Variants in CRB2 observed in about 807,000 individuals in gnomAD.
The protein encoded by CRB2 is protein crumbs homolog 2.
A neutral mutation model predicts 110.9 loss-of-function variants in CRB2; 85 were observed. That is an observed-to-expected ratio of 0.77 (90% CI 0.64 to 0.92). The LOEUF is 0.92. Ranked by LOEUF, CRB2 falls within the 40% of genes least tolerant of loss-of-function variation. The pLI is 0.00. For missense variants in CRB2, 1,843 were observed against 1,851.3 expected (o/e 1.00, Z 0.08); for synonymous variants, 907 against 831.0 (o/e 1.09, Z -1.57).
At chr9:123,371,829 C>T (rs1387121281) in intron 8 of CRB2, among the ~76,000 whole-genome samples, 3 of 149,706 alleles carry the variant, frequency 2.0e-5, no homozygotes, top group African/African-American at 4.8e-5. Context: ...AGAGAGACAC[C>T]CTGACCGAGA....
chr9:123,374,070 A>C, intron 10 of CRB2, 150 bp downstream of exon 10: 1 of 1,046,886 alleles, frequency 9.6e-7, no homozygotes, highest in Non-Finnish European at 1.4e-6. Context: ...TAATTTGATA[A>C]ATTTCCTGAT....
chr9:123,370,997 G>A lies in CRB2; in HGVS notation c.1927+17G>A. On this transcript the variant is annotated intron_variant, in intron 7 of 12. Coordinates refer to ENST00000373631, the MANE Select transcript of CRB2 (RefSeq NM_173689.7). The stretch of plus-strand genomic sequence containing the variant: ...GCGCTGATGGTGAGGAATAAGCCAG[G>A]TGGGAAGGCAGCACCTGAGATCTGC... The A allele has an allele frequency of 6.3e-7, 1 of 1,597,682 alleles. No individual in the cohort carries two copies. The highest frequency in any genetic ancestry group is 8.5e-7 in the Non-Finnish European group (1 of 1,170,454).
At chr9:123,376,452 C>T (rs944252243) in intron 12 of CRB2, among the ~76,000 whole-genome samples, 1 of 152,164 alleles carries the variant, frequency 6.6e-6, no homozygotes, top group Non-Finnish European at 1.5e-5. Flanking sequence ...CGCAGGTGGG[C>T]CCCAGTGGAT....
In CRB2 at chr9:123,366,015, G is replaced by T. The variant is rs780819241; in HGVS notation, c.517G>T (p.Ala173Ser). The change falls in exon 3 of 13, where the codon GCG (alanine) becomes TCG (serine). Residue 173 changes from alanine to serine, a missense_variant. Ala to Ser is a moderately conservative substitution (Grantham distance 99). Coordinates refer to ENST00000373631, the MANE Select transcript of CRB2 (RefSeq NM_173689.7). The part of the protein sequence containing the change: ...DGVGSFRCVC[A>S]PGYGGTRCQL... ...CGTGGGCTCCTTCCGCTGTGTGTGC[G>T]CGCCAGGCTACGGGGGCACCCGTTG... 1 of 1,593,850 alleles carries T rather than the reference G, an allele frequency of 6.3e-7. No homozygotes were observed. The highest frequency in any genetic ancestry group is 8.5e-7 in the Non-Finnish European group (1 of 1,177,350).
upstream of CRB2, among the ~76,000 whole-genome samples, chr9:123,355,685 G>A (rs1309286766): frequency 6.7e-6 from 1 of 148,358 alleles, no homozygotes; most frequent in Non-Finnish European, 1.5e-5. Flanking sequence ...GCTGCCCGAT[G>A]GGAGGTGCCT....
upstream of CRB2, among the ~76,000 whole-genome samples, chr9:123,356,000 A>G (rs2041792424): frequency 6.6e-6 from 1 of 151,956 alleles, no homozygotes; most frequent in Non-Finnish European, 1.5e-5. Flanking sequence ...GTCAGGAGGG[A>G]GAAACCAGTG....
chr9:123,366,206 C>A, intron 3 of CRB2, 21 bp from the exon 4 acceptor site: 1 of 1,406,662 alleles, frequency 7.1e-7, no homozygotes, highest in East Asian at 3.1e-5. Context: ...GCGCTCAGCT[C>A]CGCCGGTGCG....
chr9:123,355,481 A>G (rs1232493021), upstream of CRB2, among the ~76,000 whole-genome samples: 1 of 150,576 alleles, frequency 6.6e-6, no homozygotes, highest in Admixed American at 6.6e-5. Context: ...GGAGAGGGTA[A>G]AGGGAGGCAG....
upstream of CRB2, among the ~76,000 whole-genome samples, chr9:123,354,789 C>A (rs2041781081): frequency 6.6e-6 from 1 of 152,164 alleles, no homozygotes; most frequent in African/African-American, 2.4e-5. Context: ...AGGAGTCTAC[C>A]CAGGCCTTTT....
At position 123,367,221 on chromosome 9, in the gene CRB2, C is replaced by A; in HGVS notation, c.804C>A (p.Ser268Arg). ...CEVDEDECAS[S>R]PCQHGGRCLQ... Reference sequence around the variant, plus strand: ...TGGACGAGGACGAGTGTGCATCGAGCCCCTGCCAGCATGGGGGCCGATGCC... The same window carrying A: ...TGGACGAGGACGAGTGTGCATCGAGACCCTGCCAGCATGGGGGCCGATGCC... Residue 268 changes from serine (S) to arginine (R), a missense_variant, in exon 5 of 13, where the codon AGC (serine) becomes AGA (arginine). Transcript: ENST00000373631. 1 of 1,599,154 alleles carries A rather than the reference C, an allele frequency of 6.3e-7. No individual in the cohort carries two copies. The highest frequency in any genetic ancestry group is 1.1e-5 in the South Asian group (1 of 90,256).
Position 123,359,448 on chromosome 9 carries a change from T to G in CRB2, c.94+3094T>G, listed in dbSNP as rs111705378. Among the ~76,000 whole-genome samples, 481 of 67,458 alleles carry G rather than the reference T, an allele frequency of 7.1e-3. 10 individuals carry two copies. The highest frequency in any genetic ancestry group is 0.016 in the East Asian group (35 of 2,166). The allele number at this position is 67,458 out of a possible 152,430, so 44.3% of individuals were successfully genotyped here. ...GTTTTTCGTTTTTGTTTTGTTTTTT[T>G]TTTTTTTTTTTTTTTTTTAAGAAAG... On this transcript the variant is annotated intron_variant, in intron 1 of 12. Transcript: ENST00000373631.
Position 123,371,372 on chromosome 9 carries a change from C to T in CRB2, c.2230C>T (p.His744Tyr). The change falls in exon 8 of 13, where the codon CAC (histidine) becomes TAC (tyrosine). Residue 744 changes from histidine (H) to tyrosine (Y), a missense_variant. Transcript: ENST00000373631. The stretch of plus-strand genomic sequence containing the variant: ...TGACCAGCTGCAGGACCTGGGGCAG[C>T]ACGTGCACGTGGGTGGGAGGCTCCT... ...GPDQLQDLGQ[H>Y]VHVGGRLLAA... 3 of 1,604,620 alleles carry T rather than the reference C, an allele frequency of 1.9e-6. No individual in the cohort carries two copies. The highest frequency in any genetic ancestry group is 2.2e-5 in the East Asian group (1 of 44,800).
At chr9:123,379,288 A>AGAG (rs1396142053), downstream of CRB2, among the ~76,000 whole-genome samples, 5 of 152,300 alleles carry the variant, frequency 3.3e-5, no homozygotes, top group East Asian at 9.7e-4. Flanking sequence ...CAACAGAGGC[A>AGAG]GAGTCCCAGG....
Position 123,371,358 on chromosome 9 carries a change from A to G in CRB2, c.2216A>G (p.Gln739Arg). The G allele has an allele frequency of 6.2e-7, 1 of 1,604,528 alleles. No homozygotes were observed. The highest frequency in any genetic ancestry group is 1.1e-5 in the South Asian group (1 of 89,516). Residue 739 changes from glutamine (Q) to arginine (R), a missense_variant, in exon 8 of 13, where the codon CAG becomes CGG. Transcript: ENST00000373631. ...VMLSFGPDQL[Q>R]DLGQHVHVGG... ...CTCAGCTTCGGGCCTGACCAGCTGCAGGACCTGGGGCAGCACGTGCACGTG... is the reference window on the plus strand; with the variant it reads ...CTCAGCTTCGGGCCTGACCAGCTGCGGGACCTGGGGCAGCACGTGCACGTG...
rs779612230 is a variant in CRB2, at chr9:123,372,210, G to A, written c.2470G>A (p.Val824Ile). 34 of 1,613,946 alleles carry A rather than the reference G, an allele frequency of 2.1e-5. No homozygotes were observed. Among genetic ancestry groups the A allele is most frequent in the Non-Finnish European group, 2.6e-5 (31 of 1,180,022 alleles). ...DPCFNGGTCLVTWNDFHCTCP... is the reference protein window; with the variant it reads ...DPCFNGGTCLITWNDFHCTCP... The stretch of plus-strand genomic sequence containing the variant: ...CTGTTTCAATGGTGGGACTTGCCTC[G>A]TCACCTGGAATGACTTCCACTGTAC... The change falls in exon 9 of 13, where the codon GTC becomes ATC. Residue 824 changes from valine (V) to isoleucine (I), a missense_variant. Coordinates refer to ENST00000373631, the MANE Select transcript of CRB2 (RefSeq NM_173689.7).
intron 6 of CRB2, among the ~76,000 whole-genome samples, chr9:123,369,853 G>A (rs566244766): frequency 1.5e-3 from 233 of 152,212 alleles, no homozygotes; most frequent in Admixed American, 5.0e-3. Flanking sequence ...GAGATGGGGG[G>A]TAGGAGAAAG....
At chr9:123,356,192 G>T (rs35454517), upstream of CRB2, 60,582 of 1,094,622 alleles carry the variant, frequency 0.055, 1,777 homozygotes, top group Non-Finnish European at 0.059. Flanking sequence ...AGGGACGAGG[G>T]GGGTGCGGAG....
Position 123,371,253 on chromosome 9 carries a change from G to A in CRB2, c.2111G>A (p.Arg704Gln), listed in dbSNP as rs781545556. The A allele has an allele frequency of 1.7e-5, 27 of 1,613,834 alleles. No individual in the cohort carries two copies. Among genetic ancestry groups the A allele is most frequent in the African/African-American group, 1.2e-4 (9 of 74,938 alleles). The change falls in exon 8 of 13, where the codon CGG becomes CAG. Residue 704 changes from arginine (R) to glutamine (Q), a missense_variant. Coordinates refer to ENST00000373631, the MANE Select transcript of CRB2 (RefSeq NM_173689.7). ...AGLTVFLSEG[R>Q]IRAEVPGSPA... ...CTAACAGTATTCCTGAGTGAGGGTCGGATCCGGGCTGAGGTGCCGGGCAGT... is the reference window on the plus strand; with the variant it reads ...CTAACAGTATTCCTGAGTGAGGGTCAGATCCGGGCTGAGGTGCCGGGCAGT...
At position 123,373,127 on chromosome 9, in the gene CRB2, T is replaced by C; in HGVS notation, c.2603-7T>C. 6.7e-7 allele frequency: 1 copy of C among 1,492,292 alleles called. No homozygotes were observed. The allele number at this position is 1,492,292 out of a possible 1,614,324, so 92.4% of individuals were successfully genotyped here. ...GGGCTATTCCCTGAGGCTCCTTCTCTCCGCAGGTGTGGCGGAGGCCACGTT... is the reference window on the plus strand; with the variant it reads ...GGGCTATTCCCTGAGGCTCCTTCTCCCCGCAGGTGTGGCGGAGGCCACGTT... On this transcript the variant is annotated splice_region_variant and splice_polypyrimidine_tract_variant and intron_variant, in intron 9 of 12. Coordinates refer to ENST00000373631, the MANE Select transcript of CRB2 (RefSeq NM_173689.7).
Sources: allele counts gnomAD v4.1 joint callset (sites outside exome capture counted in the v4.1 genomes callset), GRCh38; gene constraint gnomAD v4.1.1; transcripts MANE v1.5; gene names NCBI Gene and HGNC (gene_info 2026-07-23, HGNC 2026-07-21).